The following COL21A1 variants were observed in gnomAD, a reference collection of about 807,000 sequenced individuals.
COL21A1 encodes collagen alpha-1(XXI) chain.
COL21A1 carries 149 observed loss-of-function variants against 137.9 expected under a neutral mutation model. The observed-to-expected ratio is 1.08, with a 90% CI of 0.95 to 1.24. The LOEUF (loss-of-function observed/expected upper bound fraction) is 1.24. Ranked by LOEUF, COL21A1 falls within the 50% of genes most tolerant of loss-of-function variation. The pLI, the probability that COL21A1 is intolerant of heterozygous loss-of-function variation, is 0.00. For synonymous variants in COL21A1, 456 were observed against 391.5 expected, an observed-to-expected ratio of 1.16 and a Z score of -1.95; for missense variants, 1,167 against 1,158.4, an observed-to-expected ratio of 1.01 and a Z score of -0.11.
intron 17 of COL21A1, among the ~76,000 whole-genome samples, chr6:56,087,085 T>C (rs1768329851): frequency 9.2e-6 from 1 of 108,556 alleles, no homozygotes; most frequent in South Asian, 2.8e-4. Context: ...TGTTTTGTTT[T>C]GTTTTGTTTT....
intron 1 of COL21A1, among the ~76,000 whole-genome samples, chr6:56,345,933 C>G (rs1333441506): frequency 6.6e-6 from 1 of 152,138 alleles, no homozygotes; most frequent in African/African-American, 2.4e-5. Flanking sequence ...TTTTAAGCAT[C>G]ACGTATATTT....
chr6:56,361,411 A>T (rs753588657), intron 1 of COL21A1, among the ~76,000 whole-genome samples: 2 of 152,214 alleles, frequency 1.3e-5, no homozygotes, highest in African/African-American at 4.8e-5. Flanking sequence ...TATAAACATT[A>T]TTGGAAAACA....
chr6:56,079,325 T>G (rs1383286496), intron 17 of COL21A1, among the ~76,000 whole-genome samples: 2 of 151,740 alleles, frequency 1.3e-5, no homozygotes, highest in Non-Finnish European at 3.0e-5. Context: ...CCGATGACAG[T>G]GTCAGACCTG....
At chr6:56,215,660 T>C (rs1780435362) in intron 1 of COL21A1, among the ~76,000 whole-genome samples, 1 of 151,990 alleles carries the variant, frequency 6.6e-6, no homozygotes, top group South Asian at 2.1e-4. Flanking sequence ...CCTTGAAGGG[T>C]TGTTAAGTAA....
chr6:56,271,086 C>T (rs1049168290), intron 1 of COL21A1, among the ~76,000 whole-genome samples: 15 of 152,188 alleles, frequency 9.9e-5, no homozygotes, highest in Middle Eastern at 3.4e-3. Context: ...GTTTGGATGG[C>T]GCAGAAGAAG....
chr6:56,072,925 T>C (rs1270816462), intron 20 of COL21A1, among the ~76,000 whole-genome samples: 1 of 151,380 alleles, frequency 6.6e-6, no homozygotes, highest in African/African-American at 2.4e-5. Context: ...AACTTTAGAG[T>C]AATTCATGTA....
chr6:56,393,828 C>T (rs1443655105), intron 1 of COL21A1: 1 of 152,190 alleles, frequency 6.6e-6, no homozygotes, highest in Non-Finnish European at 1.5e-5. Context: ...GCAATACAGG[C>T]CACAGGAGTA....
At position 56,098,184 on chromosome 6, in the gene COL21A1, A is replaced by AATATATAAATATATAAAT. The variant is rs1562190566; in HGVS notation, c.1812+3270_1812+3287dup. Reference sequence around the variant, plus strand: ...ATATATATAAATAGATATATAAATAAATATATAAATATATAAATATATATA... The same window carrying AATATATAAATATATAAAT: ...ATATATATAAATAGATATATAAATAAATATATAAATATATAAATATATATAAATATATAAATATATATA... On this transcript the variant is annotated intron_variant, in intron 17 of 29. Coordinates refer to ENST00000244728, the MANE Select transcript of COL21A1 (RefSeq NM_030820.4). Among the ~76,000 whole-genome samples the AATATATAAATATATAAAT allele has an allele frequency of 3.3e-3, 26 of 7,818 alleles. 5 individuals carry two copies. Among genetic ancestry groups the AATATATAAATATATAAAT allele is most frequent in the Non-Finnish European group, 4.3e-3 (24 of 5,520 alleles). The allele number at this position is 7,818 out of a possible 152,430, so 5.1% of individuals were successfully genotyped here. A position where few individuals can be genotyped will look rare whatever the true frequency, so the allele number is the denominator to read the frequency against.
At chr6:56,281,998 G>A (rs969358271) in intron 1 of COL21A1, among the ~76,000 whole-genome samples, 1 of 152,220 alleles carries the variant, frequency 6.6e-6, no homozygotes, top group Non-Finnish European at 1.5e-5. Context: ...GAGACGATGT[G>A]TCAAGAGTGG....
chr6:56,270,966 GAAAACAGACT>G (rs1213937299), intron 1 of COL21A1, among the ~76,000 whole-genome samples: 2 of 152,192 alleles, frequency 1.3e-5, no homozygotes, highest in African/African-American at 4.8e-5. Flanking sequence ...ACAGCAGTAT[GAAAACAGACT>G]AATACAGGAA....
intron 1 of COL21A1, among the ~76,000 whole-genome samples, chr6:56,265,670 G>A (rs576161229): frequency 3.2e-4 from 48 of 152,284 alleles, no homozygotes; most frequent in Non-Finnish European, 1.6e-4. Context: ...TAATTCAGTG[G>A]ACAATAGACC....
At chr6:56,063,572 C>T (rs899295854) in intron 24 of COL21A1, among the ~76,000 whole-genome samples, 2 of 152,032 alleles carry the variant, frequency 1.3e-5, no homozygotes, top group Admixed American at 6.6e-5. Context: ...AATCATTCCT[C>T]CTCTTGGTTA....
chr6:56,213,289 T>C (rs371539822), intron 1 of COL21A1, among the ~76,000 whole-genome samples: 1 of 152,158 alleles, frequency 6.6e-6, no homozygotes, highest in East Asian at 1.9e-4. Context: ...GAGCTCATTA[T>C]GTAGTGATGT....
In COL21A1 at chr6:56,261,246, G is replaced by A. The variant is rs77633371; in HGVS notation, c.-38-78590C>T. On this transcript the variant is annotated intron_variant, in intron 1 of 28. Transcript: ENST00000370819. ...CGCCTCCCTCAGTTTTGCACCCTAG[G>A]CACCTCTCTTGCCTGCCTCACCCGA... Among the ~76,000 whole-genome samples the A allele has an allele frequency of 7.7e-3, 1,175 of 152,082 alleles. 4 individuals carry two copies. The highest frequency in any genetic ancestry group is 0.012 in the Non-Finnish European group (813 of 67,998).
intron 1 of COL21A1, among the ~76,000 whole-genome samples, chr6:56,266,355 T>TA (rs1254498125): frequency 6.6e-6 from 1 of 152,232 alleles, no homozygotes; most frequent in East Asian, 1.9e-4. Context: ...TGTTTATAAA[T>TA]AAAGTTTCAT....
At chr6:56,088,888 G>C (rs1336976097) in intron 17 of COL21A1, among the ~76,000 whole-genome samples, 1 of 152,120 alleles carries the variant, frequency 6.6e-6, no homozygotes, top group East Asian at 1.9e-4. Flanking sequence ...CCAGGCTCAG[G>C]TGATCCCCCC....
At chr6:56,086,758 G>T (rs1768287673) in intron 17 of COL21A1, among the ~76,000 whole-genome samples, 1 of 152,150 alleles carries the variant, frequency 6.6e-6, no homozygotes, top group Admixed American at 6.6e-5. Flanking sequence ...TATCTAGAAA[G>T]GTTCCTATAA....
chr6:56,164,908 C>T lies in COL21A1; in HGVS notation c.1279-86G>A, dbSNP rs1004300073. On this transcript the variant is annotated intron_variant, in intron 7 of 29. Transcript: ENST00000244728. ...CCTAATTTACAGATATTTCACCATC[C>T]AGATTAGAGATATATGAAGTATGAA... 3 of 1,049,282 alleles carry T rather than the reference C, an allele frequency of 2.9e-6. No individual in the cohort carries two copies. In the African/African-American group the frequency reaches 5.5e-5, roughly 19 times the overall value. The allele number at this position is 1,049,282 out of a possible 1,614,324, so 65.0% of individuals were successfully genotyped here.
intron 1 of COL21A1, among the ~76,000 whole-genome samples, chr6:56,234,013 T>C (rs1781749166): frequency 6.6e-6 from 1 of 151,684 alleles, no homozygotes; most frequent in Admixed American, 6.6e-5. Context: ...CTTCCAGAGA[T>C]GACTGGTAGA....
Sources: gnomAD v4.1 joint callset for allele counts (sites outside exome capture counted in the v4.1 genomes callset) on GRCh38, gnomAD v4.1.1 for gene constraint, MANE v1.5 for transcripts, NCBI Gene and HGNC (gene_info 2026-07-23, HGNC 2026-07-21) for gene names.